DMD: variants seen among roughly 807,000 people sequenced by gnomAD.
The protein encoded by DMD is mutant dystrophin.
Under a neutral mutation model 330.1 loss-of-function variants are expected in DMD, and 63 were observed. The ratio of observed to expected loss-of-function variants is 0.19; its 90% CI spans 0.16 to 0.24. DMD has a LOEUF of 0.24. Ranked by LOEUF, DMD falls within the 10% of genes least tolerant of loss-of-function variation. The pLI is 1.00. For missense variants in DMD, 3,344 were observed against 2,684.1 expected, an observed-to-expected ratio of 1.25 and a Z score of -5.43; for synonymous variants, 1,223 against 959.8, an observed-to-expected ratio of 1.27 and a Z score of -5.07.
chrX:31,848,103 C>T (rs1449319954), intron 48 of DMD, among the ~76,000 whole-genome samples: 4 of 111,630 alleles, frequency 3.6e-5, no homozygotes, highest in African/African-American at 1.3e-4. Flanking sequence ...CCAAAATTGA[C>T]GTTTCTTAAT....
chrX:32,104,903 G>T (rs1202142757), intron 44 of DMD, among the ~76,000 whole-genome samples: 1 of 111,718 alleles, frequency 9.0e-6, no homozygotes, highest in African/African-American at 3.2e-5. Flanking sequence ...TATAATTGCT[G>T]CATTCTTGAA....
chrX:31,667,580 AGAAT>A (rs1017651797), intron 53 of DMD, among the ~76,000 whole-genome samples: 4 of 110,791 alleles, frequency 3.6e-5, no homozygotes, highest in African/African-American at 1.3e-4. Context: ...ATAGTTTGAT[AGAAT>A]GAATAAGATC....
chrX:32,858,138 C>A (rs2149066585), intron 2 of DMD, among the ~76,000 whole-genome samples: 1 of 111,605 alleles, frequency 9.0e-6, no homozygotes, highest in East Asian at 2.8e-4. Flanking sequence ...TAATAGAGTG[C>A]TTCTCAGAAT....
At chrX:32,628,933 A>G (rs2058552036) in intron 11 of DMD, among the ~76,000 whole-genome samples, 2 of 112,369 alleles carry the variant, frequency 1.8e-5, no homozygotes, top group Non-Finnish European at 3.8e-5. Context: ...GTGGCAGAAC[A>G]TATGGCTTGT....
intron 7 of DMD, among the ~76,000 whole-genome samples, chrX:32,749,726 A>C (rs978265142): frequency 3.6e-5 from 4 of 112,457 alleles, no homozygotes; most frequent in Non-Finnish European, 7.5e-5. Flanking sequence ...AATCTCTTTA[A>C]GACTCTGATA....
At chrX:32,671,097 G>A (rs775864695) in intron 9 of DMD, among the ~76,000 whole-genome samples, 14 of 110,062 alleles carry the variant, frequency 1.3e-4, no homozygotes, top group South Asian at 7.8e-4. Context: ...CAAGTGGGTC[G>A]GTACAAATTG....
intron 44 of DMD, among the ~76,000 whole-genome samples, chrX:32,079,398 C>A (rs536030717): frequency 2.5e-4 from 28 of 110,886 alleles, no homozygotes; most frequent in African/African-American, 8.5e-4. Flanking sequence ...AGTTTGAGAC[C>A]AGCCTGGGCA....
At chrX:31,665,161 T>G (rs1199563348) in intron 53 of DMD, among the ~76,000 whole-genome samples, 2 of 111,900 alleles carry the variant, frequency 1.8e-5, no homozygotes, top group African/African-American at 6.5e-5. Flanking sequence ...AAAGAAGTTA[T>G]GCATCCATAT....
At chrX:31,378,376 C>T (rs1028408888) in intron 60 of DMD, among the ~76,000 whole-genome samples, 33 of 111,419 alleles carry the variant, frequency 3.0e-4, no homozygotes, top group South Asian at 1.5e-3. Flanking sequence ...CAACCTCTTT[C>T]TCCTTTCAAT....
At chrX:31,588,515 T>C (rs1346248574) in intron 55 of DMD, among the ~76,000 whole-genome samples, 1 of 111,643 alleles carries the variant, frequency 9.0e-6, no homozygotes, top group Non-Finnish European at 1.9e-5. Flanking sequence ...TTGCCTATTC[T>C]ACCTCACTCA....
intron 45 of DMD, among the ~76,000 whole-genome samples, chrX:31,948,683 T>C (rs2095120371): frequency 9.0e-6 from 1 of 111,447 alleles, no homozygotes; most frequent in Non-Finnish European, 1.9e-5. Flanking sequence ...TTCTATGTCT[T>C]CTTTGGAGAA....
rs142583931 is a variant in DMD at position 32,742,409 on chromosome X, T to C, written c.650-43116A>G. ...GAACAAGGAATCAGACAAGTAATCA[T>C]GTGCCACAGATAGACTCAGCTGGTG... On this transcript the variant is annotated intron_variant, in intron 7 of 78. Transcript: ENST00000357033. 2.7e-3 allele frequency among the ~76,000 whole-genome samples: 304 copies of C among 111,827 alleles called. 1 individual carries two copies. The highest frequency in any genetic ancestry group is 9.5e-3 in the African/African-American group (293 of 30,814).
chrX:32,730,409 G>A (rs1247386779), intron 7 of DMD, among the ~76,000 whole-genome samples: 1 of 111,989 alleles, frequency 8.9e-6, no homozygotes, highest in Non-Finnish European at 1.9e-5. Flanking sequence ...CAATCCATGA[G>A]TTTTAAAATA....
intron 7 of DMD, among the ~76,000 whole-genome samples, chrX:32,795,572 T>C (rs1342049920): frequency 1.8e-5 from 2 of 111,853 alleles, no homozygotes; most frequent in Non-Finnish European, 3.8e-5. Flanking sequence ...TTTATGGTTA[T>C]GACCTCAAAA....
chrX:33,086,859 G>T (rs957588305), intron 1 of DMD, among the ~76,000 whole-genome samples: 6 of 109,253 alleles, frequency 5.5e-5, no homozygotes, highest in Admixed American at 3.0e-4. Flanking sequence ...AGGGGGTTTT[G>T]TTTGTCCAAT....
At chrX:32,024,404 G>A (rs1230018106) in intron 44 of DMD, among the ~76,000 whole-genome samples, 4 of 103,962 alleles carry the variant, frequency 3.8e-5, no homozygotes, top group Non-Finnish European at 3.9e-5. Context: ...GGAATCACTC[G>A]AACCTGGTGG....
intron 69 of DMD, among the ~76,000 whole-genome samples, chrX:31,179,623 G>C (rs1374731364): frequency 1.8e-5 from 2 of 112,003 alleles, no homozygotes; most frequent in East Asian, 5.6e-4. Flanking sequence ...AAACAAACCT[G>C]AGAGGAGCCT....
chrX:32,599,414 G>A (rs1316435794), intron 12 of DMD, among the ~76,000 whole-genome samples: 1 of 111,602 alleles, frequency 9.0e-6, no homozygotes, highest in Non-Finnish European at 1.9e-5. Context: ...CAGTTGGAAA[G>A]AAATGAATTC....
chrX:32,323,805 A>C (rs1409203824), intron 41 of DMD, among the ~76,000 whole-genome samples: 1 of 111,936 alleles, frequency 8.9e-6, no homozygotes, highest in Non-Finnish European at 1.9e-5. Context: ...ATAAAATGAT[A>C]AAATAATGAC....
Sources: gnomAD v4.1 joint callset for allele counts (sites outside exome capture counted in the v4.1 genomes callset) on GRCh38, gnomAD v4.1.1 for gene constraint, MANE v1.5 for transcripts, NCBI Gene and HGNC (gene_info 2026-07-23, HGNC 2026-07-21) for gene names.